Variants in ARHGEF7 observed in about 807,000 individuals in gnomAD.
ARHGEF7 encodes the protein PAK-interacting exchange factor beta.
A neutral mutation model predicts 109.8 loss-of-function variants in ARHGEF7; 33 were observed. The observed-to-expected ratio is 0.30, with a 90% CI of 0.23 to 0.40. The LOEUF is 0.40. Ranked by LOEUF, ARHGEF7 falls within the 10% of genes least tolerant of loss-of-function variation. The probability of loss-of-function intolerance (pLI) is 1.00; values close to 1 mark genes in which losing one functional copy is unlikely to be tolerated. For synonymous variants in ARHGEF7, 458 were observed against 424.6 expected (o/e 1.08, Z -0.97); for missense variants, 938 against 1,098.5 (o/e 0.85, Z 2.07).
At chr13:111,137,865 T>C (rs1039345969) in intron 1 of ARHGEF7, among the ~76,000 whole-genome samples, 1 of 152,226 alleles carries the variant, frequency 6.6e-6, no homozygotes, top group Non-Finnish European at 1.5e-5. Flanking sequence ...AAATAAGATA[T>C]TGAGTCACAA....
At chr13:111,138,181 C>T (rs552988079) in intron 1 of ARHGEF7, among the ~76,000 whole-genome samples, 1 of 152,284 alleles carries the variant, frequency 6.6e-6, no homozygotes, top group South Asian at 2.1e-4. Flanking sequence ...GGTGTGGTAG[C>T]ACATGCCTGT....
rs893044433 is a variant in ARHGEF7 at position 111,266,738 on chromosome 13, T to G, written c.951-810T>G. 3 of 449,342 alleles carry G rather than the reference T, an allele frequency of 6.7e-6. No homozygotes were observed. Among genetic ancestry groups the G allele is most frequent in the African/African-American group, 6.0e-5 (3 of 49,976 alleles). 27.8% of individuals were successfully genotyped at this position (449,342 alleles called of 1,614,324 possible). A position where few individuals can be genotyped will look rare whatever the true frequency, so the allele number is the denominator to read the frequency against. On this transcript the variant is annotated intron_variant, in intron 8 of 21. Coordinates refer to ENST00000646102, the MANE Select transcript of ARHGEF7 (RefSeq NM_001354046.2). The surrounding 1 kb of genome is among the most constrained non-coding windows in gnomAD (Gnocchi z 4.8). ...TTCCCTAGGTAGGAGGATGTAATCC[T>G]TCTGGTAATATTGTGGGTATCTGGG... is the stretch of plus-strand genomic sequence containing the variant.
At chr13:111,221,155 ATATGTCTATATATATC>A (rs2083813490) in intron 5 of ARHGEF7, among the ~76,000 whole-genome samples, 1 of 93,876 alleles carries the variant, frequency 1.1e-5, no homozygotes, top group African/African-American at 4.2e-5. Context: ...ATATAGATAT[ATATGTCTATATATATC>A]TATATAGATA....
At chr13:111,237,473 T>C (rs2086993923) in intron 6 of ARHGEF7, among the ~76,000 whole-genome samples, 1 of 152,238 alleles carries the variant, frequency 6.6e-6, no homozygotes, top group Admixed American at 6.5e-5. Context: ...GGCAGTTATA[T>C]ATAGAATTCT....
rs1450081578 is a variant in ARHGEF7, at chr13:111,153,970, C to G, written c.231C>G (p.Cys77Trp). ...LSNIREFLRG[C>W]GASLRLETFD... ...ACATCCGCGAGTTCCTGCGCGGCTG[C>G]GGGGCTTCCCTGCGGCTGGAGGTGA... Residue 77 changes from cysteine (C) to tryptophan (W), a missense_variant, in exon 2 of 22, where the codon TGC (cysteine) becomes TGG (tryptophan). Cys to Trp is a radical substitution (Grantham distance 215). Coordinates refer to ENST00000646102, the MANE Select transcript of ARHGEF7 (RefSeq NM_001354046.2). The G allele has an allele frequency of 1.2e-6, 2 of 1,603,258 alleles. No homozygotes were observed. The highest frequency in any genetic ancestry group is 1.7e-6 in the Non-Finnish European group (2 of 1,176,728).
chr13:111,162,626 T>G (rs1485573863), intron 2 of ARHGEF7, among the ~76,000 whole-genome samples: 1 of 152,148 alleles, frequency 6.6e-6, no homozygotes, highest in African/African-American at 2.4e-5. Context: ...ATTTAGTGAG[T>G]GAGAGGTTTT....
Position 111,280,261 on chromosome 13 carries a change from G to A in ARHGEF7, c.1507-11G>A, listed in dbSNP as rs772005353. The stretch of plus-strand genomic sequence containing the variant: ...ATTGTTTTTTTTTTTGTGGGGGGGG[G>A]TCTTTTTTAGGGAAAGCTTCCAACG... On this transcript the variant is annotated splice_polypyrimidine_tract_variant and intron_variant, in intron 13 of 21. Transcript: ENST00000646102. 11 of 1,598,956 alleles carry A rather than the reference G, an allele frequency of 6.9e-6. No homozygotes were observed. The highest frequency in any genetic ancestry group is 1.4e-5 in the African/African-American group (1 of 73,758).
intron 5 of ARHGEF7, among the ~76,000 whole-genome samples, chr13:111,221,525 A>ATCTATATATATAGATACATATC (rs1165493132): frequency 3.0e-5 from 1 of 33,402 alleles, no homozygotes; most frequent in African/African-American, 9.3e-5. Context: ...ATATATATCT[A>ATCTATATATATAGATACATATC]TATATATCTA....
In ARHGEF7 at chr13:111,303,104, C is replaced by T; in HGVS notation, c.2580C>T (p.Thr860=). 1 of 1,559,238 alleles carries T rather than the reference C, an allele frequency of 6.4e-7. No individual in the cohort carries two copies. The highest frequency in any genetic ancestry group is 8.7e-7 in the Non-Finnish European group (1 of 1,145,282). ...TGAATGATCCTGCCTGGGATGAGAC[C>T]AATCTATAAGGGATGTCCTCAGTTC... The part of the protein sequence containing the change: ...KNMNDPAWDE[T]NL The change falls in exon 22 of 22, where the codon ACC becomes ACT. Residue 860 remains threonine, a synonymous_variant. Coordinates refer to ENST00000646102, the MANE Select transcript of ARHGEF7 (RefSeq NM_001354046.2).
intron 12 of ARHGEF7, among the ~76,000 whole-genome samples, chr13:111,276,309 A>G (rs979452582): frequency 2.0e-5 from 3 of 152,232 alleles, no homozygotes; most frequent in Non-Finnish European, 4.4e-5. Flanking sequence ...AACATGCGAA[A>G]TGACTCATTT....
At chr13:111,265,593 G>C (rs928893308) in intron 8 of ARHGEF7, 1 of 456,772 alleles carries the variant, frequency 2.2e-6, no homozygotes, top group Non-Finnish European at 4.4e-6. Flanking sequence ...CTGCCTGCAG[G>C]GTTGAAAGGC....
chr13:111,302,925 T>C (rs1324674475), intron 21 of ARHGEF7, 66 bp from the exon 22 acceptor site: 8 of 1,592,874 alleles, frequency 5.0e-6, no homozygotes, highest in Middle Eastern at 3.4e-4. Flanking sequence ...GGATACACAT[T>C]TGGGGAAAGG....
intron 1 of ARHGEF7, among the ~76,000 whole-genome samples, chr13:111,151,977 T>C (rs2075910679): frequency 1.3e-5 from 2 of 152,324 alleles, no homozygotes; most frequent in South Asian, 4.1e-4. Flanking sequence ...TGTCCATATA[T>C]GACTGAGAGT....
intron 2 of ARHGEF7, 111 bp from the exon 3 acceptor site, chr13:111,205,178 G>T (rs549742716): frequency 1.8e-5 from 13 of 734,770 alleles, no homozygotes; most frequent in Non-Finnish European, 2.7e-5. Flanking sequence ...CAGGTTGTGC[G>T]GTCTCCTTAG....
intron 2 of ARHGEF7, among the ~76,000 whole-genome samples, chr13:111,201,125 T>G (rs990379447): frequency 6.6e-6 from 1 of 152,156 alleles, no homozygotes; most frequent in Non-Finnish European, 1.5e-5. Context: ...CTCCCCAGTG[T>G]TTGTCCAAAT....
rs1566820311 is a variant in ARHGEF7 at position 111,206,970 on chromosome 13, A to AAG, written c.337+1598_337+1599insGA. Among the ~76,000 whole-genome samples the AAG allele has an allele frequency of 2.1e-5, 3 of 141,698 alleles. 1 individual carries two copies. Among genetic ancestry groups the AAG allele is most frequent in the African/African-American group, 7.6e-5 (3 of 39,452 alleles). The allele number at this position is 141,698 out of a possible 152,430, so 93.0% of individuals were successfully genotyped here. A position where few individuals can be genotyped will look rare whatever the true frequency, so the allele number is the denominator to read the frequency against. On this transcript the variant is annotated intron_variant, in intron 3 of 21. Coordinates refer to ENST00000646102, the MANE Select transcript of ARHGEF7 (RefSeq NM_001354046.2). ...GAGCGAGACTCCATCTAAAAAAAAA[A>AAG]AAAAAGAAAAAGAAAAAAAAAGAAA...
chr13:111,216,796 C>T (rs1437706219), intron 4 of ARHGEF7, among the ~76,000 whole-genome samples: 1 of 152,180 alleles, frequency 6.6e-6, no homozygotes. Flanking sequence ...CAGGCTTCTC[C>T]TAGGGTTGTC....
At chr13:111,281,514 A>T (rs543370286) in intron 15 of ARHGEF7, among the ~76,000 whole-genome samples, 6 of 152,294 alleles carry the variant, frequency 3.9e-5, no homozygotes, top group African/African-American at 1.4e-4. Flanking sequence ...TTCTCATCAG[A>T]GTTTCAGAGT....
At chr13:111,172,058 C>T (rs1453221417) in intron 2 of ARHGEF7, among the ~76,000 whole-genome samples, 2 of 152,174 alleles carry the variant, frequency 1.3e-5, no homozygotes, top group Admixed American at 6.5e-5. Context: ...GCAGCCTGAA[C>T]GGCCCAAGGC....
Sources: allele counts gnomAD v4.1 joint callset (sites outside exome capture counted in the v4.1 genomes callset), GRCh38; gene constraint gnomAD v4.1.1; non-coding constraint Gnocchi (gnomAD v3.1); transcripts MANE v1.5; gene names NCBI Gene and HGNC (gene_info 2026-07-23, HGNC 2026-07-21).